The following NYX variants were observed in gnomAD, a reference collection of about 807,000 sequenced individuals.
NYX encodes nyctalopin.
For missense variants in NYX, 481 were observed against 485.4 expected (o/e 0.99, Z 0.09); for synonymous variants, 258 against 245.7 (o/e 1.05, Z -0.47).
rs1432692680 is a variant in NYX at position 41,458,875 on chromosome X, T to G, written c.22+10949T>G. On this transcript the variant is annotated intron_variant, in intron 2 of 2. Coordinates refer to ENST00000378220, the MANE Select transcript of NYX (RefSeq NM_001378477.3). ...TGGGCAGATCACTTAAGGTCAGGAG[T>G]TCGAGACCAGCCTGGCCAACATGGT... Among the ~76,000 whole-genome samples the G allele has an allele frequency of 7.1e-5, 7 of 97,963 alleles. No homozygotes were observed. The Admixed American group carries it at 7.7e-4, about 11-fold the overall frequency. The allele number at this position is 97,963 out of a possible 115,157, so 85.1% of individuals were successfully genotyped here.
At chrX:41,463,923 T>C (rs2064329436) in intron 2 of NYX, among the ~76,000 whole-genome samples, 1 of 111,859 alleles carries the variant, frequency 8.9e-6, no homozygotes. Context: ...TCTTTATTCC[T>C]TCTTGTAGAC....
intron 2 of NYX, among the ~76,000 whole-genome samples, chrX:41,452,098 C>T (rs187121531): frequency 2.7e-3 from 297 of 110,648 alleles, no homozygotes; most frequent in Non-Finnish European, 4.8e-3. Context: ...CTCAGCTTCC[C>T]GAGTAGCTGG....
At chrX:41,460,511 A>T (rs2064314581) in intron 2 of NYX, among the ~76,000 whole-genome samples, 1 of 94,543 alleles carries the variant, frequency 1.1e-5, no homozygotes. Context: ...TCCATTTTTT[A>T]AAAATAAATT....
chrX:41,465,634 C>G (rs1203219586), intron 2 of NYX, among the ~76,000 whole-genome samples: 2 of 104,560 alleles, frequency 1.9e-5, no homozygotes, highest in Admixed American at 2.0e-4. Flanking sequence ...TCCCAGCTAC[C>G]TGCCCCCCGA....
chrX:41,470,694 C>CAAAAA lies in NYX; in HGVS notation c.23-2782_23-2778dup, dbSNP rs554668854. Among the ~76,000 whole-genome samples, 259 of 57,163 alleles carry CAAAAA rather than the reference C, an allele frequency of 4.5e-3. 9 individuals are homozygous for CAAAAA. Among genetic ancestry groups the CAAAAA allele is most frequent in the Middle Eastern group, 0.024 (2 of 82 alleles). The allele number at this position is 57,163 out of a possible 115,157, so 49.6% of individuals were successfully genotyped here. On this transcript the variant is annotated intron_variant, in intron 2 of 2. Transcript: ENST00000378220. ...TGGCGACAGAGTGAGGACTCTGTCT[C>CAAAAA]AAAAAAAAAAAAAAAAAAATCATTG...
chrX:41,461,263 G>A (rs1951851187), intron 2 of NYX, among the ~76,000 whole-genome samples: 1 of 108,523 alleles, frequency 9.2e-6, no homozygotes, highest in African/African-American at 3.4e-5. Flanking sequence ...GAGTGAGAAT[G>A]CATGATATTT....
chrX:41,457,848 G>A, intron 2 of NYX, among the ~76,000 whole-genome samples: 1 of 111,205 alleles, frequency 9.0e-6, no homozygotes, highest in Non-Finnish European at 1.9e-5. Flanking sequence ...TCAGACCGTG[G>A]AAAATGAAAG....
intron 2 of NYX, among the ~76,000 whole-genome samples, chrX:41,453,459 C>CTT (rs765178661): frequency 2.9e-5 from 3 of 102,121 alleles, no homozygotes; most frequent in Non-Finnish European, 2.0e-5. Flanking sequence ...TCTTCTTCTT[C>CTT]TTTTTTTTTT....
chrX:41,473,782 C>T lies in NYX; in HGVS notation c.314C>T (p.Pro105Leu), dbSNP rs766445016. 6.1e-6 allele frequency: 7 copies of T among 1,139,457 alleles called. No homozygotes were observed. Among genetic ancestry groups the T allele is most frequent in the East Asian group, 7.0e-5 (2 of 28,694 alleles). The allele number at this position is 1,139,457 out of a possible 1,213,427, so 93.9% of individuals were successfully genotyped here. A position where few individuals can be genotyped will look rare whatever the true frequency, so the allele number is the denominator to read the frequency against. Residue 105 changes from proline (P) to leucine (L), a missense_variant, in exon 3 of 3, where the codon CCG becomes CTG. Transcript: ENST00000378220. ...ACGCCCGGCGCCTTCAAGGGCCTGC[C>T]GCGCCTGGCTGAGCTGCGCCTGGCG... ...FITPGAFKGLPRLAELRLAHN... is the reference protein window; with the variant it reads ...FITPGAFKGLLRLAELRLAHN...
intron 2 of NYX, among the ~76,000 whole-genome samples, chrX:41,455,228 C>G (rs1254849007): frequency 9.1e-6 from 1 of 109,773 alleles, no homozygotes; most frequent in African/African-American, 3.3e-5. Context: ...GCCTCAGCCT[C>G]CTGAGTAGCT....
At chrX:41,457,294 C>T (rs978307350) in intron 2 of NYX, among the ~76,000 whole-genome samples, 1 of 67,991 alleles carries the variant, frequency 1.5e-5, no homozygotes, top group Admixed American at 2.4e-4. Context: ...GCAACAAGAA[C>T]GAAACTCCAT....
chrX:41,473,969 C>G lies in NYX; in HGVS notation c.501C>G (p.Arg167=). 9.2e-7 allele frequency: 1 copy of G among 1,086,758 alleles called. No homozygotes were observed. The highest frequency in any genetic ancestry group is 1.2e-6 in the Non-Finnish European group (1 of 840,109). 89.6% of individuals were successfully genotyped at this position (1,086,758 alleles called of 1,213,427 possible). A position where few individuals can be genotyped will look rare whatever the true frequency, so the allele number is the denominator to read the frequency against. The change falls in exon 3 of 3, where the codon CGC becomes CGG. Residue 167 remains arginine, a synonymous_variant. Coordinates refer to ENST00000378220, the MANE Select transcript of NYX (RefSeq NM_001378477.3). ...TCGCCGCCTTCGACAACCTGTTCCG[C>G]CGCGTGCCGGGCGCGCTGCGCGGCC... ...RELAAFDNLF[R]RVPGALRGLA...
chrX:41,464,418 C>T (rs1048651251), intron 2 of NYX, among the ~76,000 whole-genome samples: 3 of 111,784 alleles, frequency 2.7e-5, no homozygotes, highest in Non-Finnish European at 5.6e-5. Flanking sequence ...GGATTACAGG[C>T]ATGGGCCACT....
rs768263299 is a variant in NYX at position 41,473,410 on chromosome X, C to T, written c.23-81C>T. On this transcript the variant is annotated intron_variant, in intron 2 of 2. Coordinates refer to ENST00000378220, the MANE Select transcript of NYX (RefSeq NM_001378477.3). ...GCTGCCCGGACAGGCAGGATTTTTC[C>T]TGGGGTGACCTTTGGCTGACGGTTG... 5.1e-5 allele frequency: 45 copies of T among 883,548 alleles called. No homozygotes were observed. The African/African-American group carries it at 9.1e-4, about 18-fold the overall frequency. 72.8% of individuals were successfully genotyped at this position (883,548 alleles called of 1,213,427 possible).
intron 2 of NYX, among the ~76,000 whole-genome samples, chrX:41,451,847 A>G (rs773489913): frequency 4.5e-5 from 5 of 111,174 alleles, no homozygotes; most frequent in Non-Finnish European, 7.5e-5. Flanking sequence ...TAAAACAGGC[A>G]AAACTAATCT....
chrX:41,474,398 C>G lies in NYX; in HGVS notation c.930C>G (p.Thr310=), dbSNP rs1460339580. 5.0e-6 allele frequency: 6 copies of G among 1,206,684 alleles called. No individual in the cohort carries two copies. The highest frequency in any genetic ancestry group is 1.7e-5 in the African/African-American group (1 of 57,523). ...TGCACCTCAACGGCAACCGCCTCAC[C>G]GTGCTCGCCTGGGTCGCCTTCCAGC... The part of the protein sequence containing the change: ...LALHLNGNRL[T]VLAWVAFQPG... The change falls in exon 3 of 3, where the codon ACC becomes ACG. Residue 310 remains threonine (T), a synonymous_variant. Coordinates refer to ENST00000378220, the MANE Select transcript of NYX (RefSeq NM_001378477.3).
chrX:41,462,748 C>G (rs899614045), intron 2 of NYX, among the ~76,000 whole-genome samples: 1 of 111,812 alleles, frequency 8.9e-6, no homozygotes, highest in Admixed American at 9.6e-5. Context: ...TATCTTCTGT[C>G]TATCTTTTTT....
Position 41,447,514 on chromosome X carries a change from A to C in NYX, c.-59A>C. ...GAGCAGGACCAGGGAGACTCCCAGG[A>C]CGGTAAGCAACATTTGAGGACCATT... is the stretch of plus-strand genomic sequence containing the variant. On this transcript the variant is annotated splice_region_variant and 5_prime_UTR_variant, in exon 1 of 3. Transcript: ENST00000378220. 4.4e-6 allele frequency: 1 copy of C among 229,095 alleles called. No individual in the cohort carries two copies. The highest frequency in any genetic ancestry group is 2.8e-5 in the African/African-American group (1 of 35,239). 18.9% of individuals were successfully genotyped at this position (229,095 alleles called of 1,213,427 possible).
chrX:41,461,358 T>A (rs1054932606), intron 2 of NYX, among the ~76,000 whole-genome samples: 3 of 98,388 alleles, frequency 3.0e-5, no homozygotes, highest in Non-Finnish European at 6.1e-5. Context: ...ATTTATTCCT[T>A]TTTATGGCTG....
Sources: allele counts gnomAD v4.1 joint callset (sites outside exome capture counted in the v4.1 genomes callset), GRCh38; gene constraint gnomAD v4.1.1; transcripts MANE v1.5; gene names NCBI Gene and HGNC (gene_info 2026-07-23, HGNC 2026-07-21).